FCRL3: variants seen among roughly 807,000 people sequenced by gnomAD.
The protein encoded by FCRL3 is Fc receptor-like protein 3.
FCRL3 carries 89 observed loss-of-function variants against 75.0 expected under a neutral mutation model. The ratio of observed to expected loss-of-function variants is 1.19; its 90% CI spans 1.00 to 1.42. The LOEUF (loss-of-function observed/expected upper bound fraction) is 1.42, where lower values mean the gene tolerates loss of function less well. Among genes scored for constraint, FCRL3 ranks in the 40% most tolerant of loss-of-function variants. FCRL3 has a pLI of 0.00. For missense variants in FCRL3, 946 were observed against 880.0 expected (o/e 1.07, Z -0.95); for synonymous variants, 376 against 348.5 (o/e 1.08, Z -0.88).
Position 157,676,559 on chromosome 1 carries a change from G to T in FCRL3, c.*2151C>A. ...TAGATTTCTGGGCTATGGGTTTTTAGTTGTGAATTCAAAGATAAAAGTCAA... is the reference window on the plus strand; with the variant it reads ...TAGATTTCTGGGCTATGGGTTTTTATTTGTGAATTCAAAGATAAAAGTCAA... On this transcript the variant is annotated 3_prime_UTR_variant, in exon 15 of 15. Coordinates refer to ENST00000368184, the MANE Select transcript of FCRL3 (RefSeq NM_052939.4). The T allele has an allele frequency of 1.5e-6, 1 of 679,572 alleles. No homozygotes were observed. The allele number at this position is 679,572 out of a possible 1,614,324, so 42.1% of individuals were successfully genotyped here.
At position 157,699,346 on chromosome 1, in the gene FCRL3, C is replaced by T. The variant is rs149774537; in HGVS notation, c.52+346G>A. ...CGTGGATGGGATCTATTTCTATGTC[C>T]TTTGATAGCAGCACTAGCTTGGACA... On this transcript the variant is annotated intron_variant, in intron 3 of 14. Coordinates refer to ENST00000368184, the MANE Select transcript of FCRL3 (RefSeq NM_052939.4). 1.2e-3 allele frequency among the ~76,000 whole-genome samples: 189 copies of T among 152,234 alleles called. 1 individual carries two copies. The highest frequency in any genetic ancestry group is 4.6e-3 in the Admixed American group (71 of 15,296).
chr1:157,681,202 G>A (rs949732970), intron 11 of FCRL3, 103 bp from the exon 12 acceptor site: 56 of 655,250 alleles, frequency 8.5e-5, no homozygotes, highest in Non-Finnish European at 2.6e-5. Context: ...CATGATTCAA[G>A]TAAAAATATT....
intron 11 of FCRL3, among the ~76,000 whole-genome samples, 166 bp from the exon 12 acceptor site, chr1:157,681,265 A>C (rs544521305): frequency 2.2e-4 from 33 of 151,406 alleles, no homozygotes; most frequent in South Asian, 1.3e-3. Flanking sequence ...ATTATACTTT[A>C]AGTTTTAGGG....
At chr1:157,695,248 CAA>C in intron 8 of FCRL3, 79 bp downstream of exon 8, 1 of 1,416,196 alleles carries the variant, frequency 7.1e-7, no homozygotes, top group Non-Finnish European at 9.7e-7. Context: ...TATCAACCAG[CAA>C]ATAGCCCAGT....
Position 157,680,698 on chromosome 1 carries a change from T to G in FCRL3, c.2026+4A>C, listed in dbSNP as rs1290391626. The G allele has an allele frequency of 1.2e-6, 2 of 1,613,700 alleles. No homozygotes were observed. Among genetic ancestry groups the G allele is most frequent in the Non-Finnish European group, 8.5e-7 (1 of 1,179,750 alleles). On this transcript the variant is annotated splice_donor_region_variant and intron_variant, in intron 13 of 14. Transcript: ENST00000368184. ...CACCTCTATTTGCCTGAAAGGCATC[T>G]TACCTGAGTTTTCTTTTGTATGCTG...
intron 11 of FCRL3, among the ~76,000 whole-genome samples, chr1:157,682,192 T>C (rs1220115707): frequency 6.6e-6 from 1 of 152,196 alleles, no homozygotes; most frequent in East Asian, 1.9e-4. Flanking sequence ...ATTTTGTGGG[T>C]TGCCTGTTCA....
Position 157,677,245 on chromosome 1 carries a change from G to C in FCRL3, c.*1465C>G. ...GTGAAACTCAGCTTCCATAGTGATG[G>C]AACCTAAGGGTAGCAGAGTTTATGG... On this transcript the variant is annotated 3_prime_UTR_variant, in exon 15 of 15. Coordinates refer to ENST00000368184, the MANE Select transcript of FCRL3 (RefSeq NM_052939.4). 1 of 1,002,646 alleles carries C rather than the reference G, an allele frequency of 1.0e-6. No individual in the cohort carries two copies. Among genetic ancestry groups the C allele is most frequent in the South Asian group, 4.4e-5 (1 of 22,792 alleles). The allele number at this position is 1,002,646 out of a possible 1,614,324, so 62.1% of individuals were successfully genotyped here.
chr1:157,679,118 A>C (rs1654656694), intron 13 of FCRL3, 145 bp from the exon 14 acceptor site: 1 of 872,436 alleles, frequency 1.1e-6, no homozygotes, highest in Non-Finnish European at 1.8e-6. Flanking sequence ...CCAAACCCAC[A>C]TAGAAAAAGT....
At chr1:157,692,558 C>T (rs1209067130) in intron 8 of FCRL3, among the ~76,000 whole-genome samples, 4 of 152,280 alleles carry the variant, frequency 2.6e-5, no homozygotes, top group Admixed American at 1.3e-4. Flanking sequence ...ATTTACAATG[C>T]TTTGTAATGA....
chr1:157,687,912 C>A (rs759500373), intron 10 of FCRL3, among the ~76,000 whole-genome samples: 1 of 152,018 alleles, frequency 6.6e-6, no homozygotes, highest in Non-Finnish European at 1.5e-5. Context: ...CCAATCCACA[C>A]ATTTACCCCT....
intron 9 of FCRL3, 129 bp from the exon 10 acceptor site, chr1:157,690,046 A>T (rs1374274218): frequency 2.1e-6 from 3 of 1,409,168 alleles, no homozygotes; most frequent in African/African-American, 2.9e-5. Context: ...TTTCAAAACT[A>T]TGGCATATGA....
At chr1:157,683,360 C>T in intron 10 of FCRL3, 116 bp from the exon 11 acceptor site, 1 of 1,301,330 alleles carries the variant, frequency 7.7e-7, no homozygotes, top group Non-Finnish European at 1.1e-6. Flanking sequence ...TACGGAAAAA[C>T]TCAAGGATTA....
At chr1:157,679,120 A>G in intron 13 of FCRL3, 147 bp from the exon 14 acceptor site, 3 of 862,636 alleles carry the variant, frequency 3.5e-6, no homozygotes, top group Admixed American at 4.3e-5. Context: ...AAACCCACAT[A>G]GAAAAAGTAC....
intron 2 of FCRL3, 88 bp from the exon 3 acceptor site, chr1:157,699,800 T>C (rs1278399015): frequency 3.5e-6 from 5 of 1,434,520 alleles, no homozygotes; most frequent in South Asian, 1.2e-5. Context: ...TTTTTCCTTA[T>C]CATTTCTTTG....
intron 10 of FCRL3, among the ~76,000 whole-genome samples, chr1:157,688,845 A>T (rs1202569432): frequency 6.6e-6 from 1 of 152,220 alleles, no homozygotes; most frequent in Non-Finnish European, 1.5e-5. Context: ...GTCATGACCA[A>T]GTTGGGTTGA....
intron 3 of FCRL3, 37 bp downstream of exon 3, chr1:157,699,655 C>A: frequency 6.2e-7 from 1 of 1,612,550 alleles, no homozygotes. Flanking sequence ...GGACCAATAT[C>A]CAGAGACCAG....
intron 11 of FCRL3, 50 bp downstream of exon 11, chr1:157,683,167 A>T (rs370521737): frequency 6.3e-6 from 10 of 1,594,086 alleles, no homozygotes; most frequent in South Asian, 1.1e-5. Flanking sequence ...AGTCTCGTGC[A>T]TATAAATAAA....
At chr1:157,688,240 A>C (rs1655298637) in intron 10 of FCRL3, among the ~76,000 whole-genome samples, 1 of 152,142 alleles carries the variant, frequency 6.6e-6, no homozygotes, top group Non-Finnish European at 1.5e-5. Flanking sequence ...GGCTAAAAGC[A>C]AAAGGATGGA....
Position 157,683,233 on chromosome 1 carries a change from C to T in FCRL3, c.1822G>A (p.Ala608Thr). 3 of 1,613,480 alleles carry T rather than the reference C, an allele frequency of 1.9e-6. No individual in the cohort carries two copies. In the South Asian group the frequency reaches 3.3e-5, roughly 18 times the overall value. ...RARRKPGGLSATGTSSHSPSE... is the reference protein window; with the variant it reads ...RARRKPGGLSTTGTSSHSPSE... ...AGACCTCACCTAGATGTTCCAGTGG[C>T]AGAAAGTCCTCCTGCAAAACAAACA... The change falls in exon 11 of 15, where the codon GCC becomes ACC. Residue 608 changes from alanine to threonine, a missense_variant. Ala to Thr is a moderately conservative substitution (Grantham distance 58). Coordinates refer to ENST00000368184, the MANE Select transcript of FCRL3 (RefSeq NM_052939.4).
Sources: allele counts gnomAD v4.1 joint callset (sites outside exome capture counted in the v4.1 genomes callset), GRCh38; gene constraint gnomAD v4.1.1; transcripts MANE v1.5; gene names NCBI Gene and HGNC (gene_info 2026-07-23, HGNC 2026-07-21).